Variants in MAGI2 observed in about 807,000 individuals in gnomAD.
MAGI2 encodes the protein membrane associated guanylate kinase, WW and PDZ domain containing 2, also known as membrane-associated guanylate kinase, WW and PDZ domain-containing protein 2.
Under a neutral mutation model 133.3 loss-of-function variants are expected in MAGI2, and 35 were observed. The ratio of observed to expected loss-of-function variants is 0.26; its 90% CI spans 0.20 to 0.35. The LOEUF (loss-of-function observed/expected upper bound fraction) is 0.35, where lower values mean the gene tolerates loss of function less well. Among genes scored for constraint, MAGI2 ranks in the 10% least tolerant of loss-of-function variants. The pLI is 1.00. For synonymous variants in MAGI2, 729 were observed against 710.6 expected (o/e 1.03, Z -0.41); for missense variants, 1,636 against 1,863.4 (o/e 0.88, Z 2.25).
chr7:78,882,115 A>AAAAAAAAAAAAAAAAAAG (rs1795918606), intron 2 of MAGI2, among the ~76,000 whole-genome samples: 14 of 93,728 alleles, frequency 1.5e-4, no homozygotes, highest in Middle Eastern at 4.9e-3. Context: ...AAAAGAAAAG[A>AAAAAAAAAAAAAAAAAAG]AAAACAAAAA....
chr7:78,756,734 T>C (rs1823983288), intron 2 of MAGI2, among the ~76,000 whole-genome samples: 1 of 152,162 alleles, frequency 6.6e-6, no homozygotes, highest in Non-Finnish European at 1.5e-5. Context: ...TTCAATATGC[T>C]GATCTCTCAT....
intron 1 of MAGI2, among the ~76,000 whole-genome samples, chr7:79,148,683 T>C (rs73145361): frequency 6.6e-6 from 1 of 152,072 alleles, no homozygotes; most frequent in Non-Finnish European, 1.5e-5. Flanking sequence ...TCAGGCTCTC[T>C]ATGATACCAG....
chr7:78,448,769 C>T (rs10485890), intron 6 of MAGI2, among the ~76,000 whole-genome samples: 1 of 151,966 alleles, frequency 6.6e-6, no homozygotes, highest in Non-Finnish European at 1.5e-5. Flanking sequence ...TATGCGCACA[C>T]TGAAACATAC....
chr7:78,657,510 G>A (rs1812433756), intron 2 of MAGI2, among the ~76,000 whole-genome samples: 1 of 152,174 alleles, frequency 6.6e-6, no homozygotes, highest in Non-Finnish European at 1.5e-5. Flanking sequence ...TGTCTGAAAA[G>A]ATATGAAGGA....
At chr7:79,295,939 T>C (rs1274065290) in intron 1 of MAGI2, among the ~76,000 whole-genome samples, 1 of 152,214 alleles carries the variant, frequency 6.6e-6, no homozygotes, top group African/African-American at 2.4e-5. Flanking sequence ...ATTTTAGGCT[T>C]ATTTAGACAT....
intron 2 of MAGI2, among the ~76,000 whole-genome samples, chr7:78,816,749 T>C (rs906974322): frequency 6.6e-6 from 1 of 152,168 alleles, no homozygotes; most frequent in Non-Finnish European, 1.5e-5. Flanking sequence ...AAAAGATTCC[T>C]TTCAAAATGT....
intron 6 of MAGI2, among the ~76,000 whole-genome samples, chr7:78,482,723 A>G (rs1214447018): frequency 6.6e-6 from 1 of 152,054 alleles, no homozygotes; most frequent in East Asian, 1.9e-4. Context: ...AGAACAGATC[A>G]GTGGCTGTCA....
At chr7:78,458,362 T>C (rs1789574062) in intron 6 of MAGI2, among the ~76,000 whole-genome samples, 1 of 151,170 alleles carries the variant, frequency 6.6e-6, no homozygotes, top group Non-Finnish European at 1.5e-5. Flanking sequence ...TGAAACCATA[T>C]TGTTCTAATA....
intron 1 of MAGI2, among the ~76,000 whole-genome samples, chr7:79,396,216 C>T (rs1845045021): frequency 6.6e-6 from 1 of 152,110 alleles, no homozygotes; most frequent in African/African-American, 2.4e-5. Flanking sequence ...TTGTTCTCAG[C>T]AGCAAATGTG....
chr7:79,231,516 G>C (rs1318970208), intron 1 of MAGI2, among the ~76,000 whole-genome samples: 2 of 81,564 alleles, frequency 2.5e-5, no homozygotes, highest in Non-Finnish European at 6.1e-5. Flanking sequence ...CACATCCCTT[G>C]TAAGTTGGAT....
At chr7:78,040,360 G>T (rs2151083216) in intron 21 of MAGI2, among the ~76,000 whole-genome samples, 1 of 152,350 alleles carries the variant, frequency 6.6e-6, no homozygotes, top group Admixed American at 6.5e-5. Flanking sequence ...CAGGCGGGAA[G>T]GAGGACGGGC....
At position 78,160,137 on chromosome 7, in the gene MAGI2, G is replaced by C; in HGVS notation, c.2733C>G (p.Phe911Leu). Residue 911 changes from phenylalanine to leucine, a missense_variant, in exon 16 of 22, where the codon TTC becomes TTG. Phe to Leu is a conservative substitution (Grantham distance 22). Transcript: ENST00000354212. ...PSSNASPPEGFASHSLQTSDV... is the reference protein window; with the variant it reads ...PSSNASPPEGLASHSLQTSDV... Reference sequence around the variant, plus strand: ...CACTGGTCTGCAGGCTGTGGGAGGCGAAGCCTTCAGGGGGAGAGGCATTGC... The same window carrying C: ...CACTGGTCTGCAGGCTGTGGGAGGCCAAGCCTTCAGGGGGAGAGGCATTGC... The C allele has an allele frequency of 6.2e-7, 1 of 1,612,164 alleles. No individual in the cohort carries two copies. The highest frequency in any genetic ancestry group is 8.5e-7 in the Non-Finnish European group (1 of 1,179,110).
chr7:78,716,135 C>T (rs537055847), intron 2 of MAGI2, among the ~76,000 whole-genome samples: 25 of 152,272 alleles, frequency 1.6e-4, no homozygotes, highest in African/African-American at 1.2e-4. Context: ...TGTAGTAGAA[C>T]GCATAAAGAT....
intron 1 of MAGI2, among the ~76,000 whole-genome samples, chr7:79,407,549 C>G (rs1012679071): frequency 6.6e-6 from 1 of 152,108 alleles, no homozygotes; most frequent in African/African-American, 2.4e-5. Flanking sequence ...AGGCAAGCCA[C>G]TTCACATTTC....
chr7:78,190,838 C>T (rs1237872195), intron 12 of MAGI2, among the ~76,000 whole-genome samples: 7 of 152,142 alleles, frequency 4.6e-5, no homozygotes, highest in African/African-American at 7.2e-5. Flanking sequence ...TCAAGTCCTT[C>T]CTTTATGAGA....
At chr7:78,575,795 GA>G (rs1437576759) in intron 3 of MAGI2, among the ~76,000 whole-genome samples, 1 of 151,998 alleles carries the variant, frequency 6.6e-6, no homozygotes, top group East Asian at 1.9e-4. Flanking sequence ...CAAAAATAAG[GA>G]AAATCTGAGA....
At chr7:78,599,556 A>T (rs1031490527) in intron 3 of MAGI2, among the ~76,000 whole-genome samples, 27 of 152,204 alleles carry the variant, frequency 1.8e-4, no homozygotes, top group Non-Finnish European at 7.3e-5. Flanking sequence ...AAAGCCAGAA[A>T]TACCGATTTC....
In MAGI2 at chr7:79,348,608, G is replaced by T. The variant is rs1464977753; in HGVS notation, c.301+104412C>A. On this transcript the variant is annotated intron_variant, in intron 1 of 21. Coordinates refer to ENST00000354212, the MANE Select transcript of MAGI2 (RefSeq NM_012301.4). ...GTGTTGAATACTAATTTTAAAGGAA[G>T]TCTAGAAACTATTTTTATCTAAGTT... Among the ~76,000 whole-genome samples the T allele has an allele frequency of 2.6e-5, 4 of 151,714 alleles. No homozygotes were observed. In the East Asian group the frequency reaches 5.8e-4, roughly 22 times the overall value.
At chr7:78,182,718 T>C (rs1057395677) in intron 13 of MAGI2, among the ~76,000 whole-genome samples, 3 of 152,204 alleles carry the variant, frequency 2.0e-5, no homozygotes, top group Non-Finnish European at 4.4e-5. Context: ...CAGTGCCTTA[T>C]TTGATATCGT....
Sources: gnomAD v4.1 joint callset for allele counts (sites outside exome capture counted in the v4.1 genomes callset) on GRCh38, gnomAD v4.1.1 for gene constraint, MANE v1.5 for transcripts, NCBI Gene and HGNC (gene_info 2026-07-23, HGNC 2026-07-21) for gene names.